TGFBR3: variants seen among roughly 807,000 people sequenced by gnomAD.
The protein encoded by TGFBR3 is transforming growth factor beta receptor 3.
A neutral mutation model predicts 87.9 loss-of-function variants in TGFBR3; 46 were observed. The ratio of observed to expected loss-of-function variants is 0.52; its 90% CI spans 0.41 to 0.67. The LOEUF is 0.67. Among genes scored for constraint, TGFBR3 ranks in the 30% least tolerant of loss-of-function variants. TGFBR3 has a pLI of 0.00. For missense variants in TGFBR3, 866 were observed against 1,041.9 expected (o/e 0.83, Z 2.32); for synonymous variants, 381 against 391.6 (o/e 0.97, Z 0.32).
At chr1:91,695,534 T>C in intron 16 of TGFBR3, 138 bp downstream of exon 16, 2 of 811,544 alleles carry the variant, frequency 2.5e-6, no homozygotes, top group Non-Finnish European at 4.2e-6. Context: ...ACCCAATTTA[T>C]ACCAAATATG....
intron 4 of TGFBR3, among the ~76,000 whole-genome samples, chr1:91,738,571 AT>A (rs1673043983): frequency 6.6e-6 from 1 of 152,190 alleles, no homozygotes; most frequent in Non-Finnish European, 1.5e-5. Context: ...CACCTGCTTC[AT>A]CTTCCTCCAT....
intron 3 of TGFBR3, among the ~76,000 whole-genome samples, chr1:91,795,071 GATGT>G (rs998455998): frequency 1.7e-4 from 26 of 152,278 alleles, no homozygotes; most frequent in African/African-American, 6.3e-4. Context: ...CCCTCATTCT[GATGT>G]TATCCTCTAT....
chr1:91,724,852 A>G (rs1672494671), intron 7 of TGFBR3, among the ~76,000 whole-genome samples: 1 of 152,200 alleles, frequency 6.6e-6, no homozygotes, highest in South Asian at 2.1e-4. Context: ...CCCCATATTT[A>G]CATCTGGACT....
At chr1:91,798,838 G>C (rs185915486) in intron 2 of TGFBR3, among the ~76,000 whole-genome samples, 2 of 152,324 alleles carry the variant, frequency 1.3e-5, no homozygotes, top group East Asian at 1.9e-4. Flanking sequence ...CCATTCCAGG[G>C]ACTTGGATTT....
chr1:91,772,296 A>C (rs1222997214), intron 3 of TGFBR3, among the ~76,000 whole-genome samples: 1 of 152,218 alleles, frequency 6.6e-6, no homozygotes, highest in African/African-American at 2.4e-5. Context: ...TACTTGCCCA[A>C]AAGAAAACAT....
chr1:91,902,701 T>G (rs1204486015), intron 1 of TGFBR3, among the ~76,000 whole-genome samples: 2 of 151,914 alleles, frequency 1.3e-5, no homozygotes, highest in Non-Finnish European at 2.9e-5. Flanking sequence ...CATTCCAGAC[T>G]TGGTCCCTGT....
chr1:91,839,423 C>T (rs949134893), intron 2 of TGFBR3, among the ~76,000 whole-genome samples: 1 of 152,120 alleles, frequency 6.6e-6, no homozygotes, highest in Non-Finnish European at 1.5e-5. Flanking sequence ...CATTAAAATC[C>T]TTTGCTTTCC....
At chr1:91,748,886 T>C (rs1452595257) in intron 4 of TGFBR3, among the ~76,000 whole-genome samples, 1 of 152,118 alleles carries the variant, frequency 6.6e-6, no homozygotes, top group Non-Finnish European at 1.5e-5. Context: ...CAAAAGCACC[T>C]ACTTCACAGG....
chr1:91,822,432 A>G (rs755138949), intron 2 of TGFBR3, among the ~76,000 whole-genome samples: 4 of 151,856 alleles, frequency 2.6e-5, no homozygotes, highest in Non-Finnish European at 5.9e-5. Flanking sequence ...GGGTAATAAT[A>G]TCTCAGCACA....
rs1312958469 is a variant in TGFBR3, at chr1:91,729,882, C to T, written c.660G>A (p.Gly220=). 2 of 1,614,166 alleles carry T rather than the reference C, an allele frequency of 1.2e-6. No individual in the cohort carries two copies. Among genetic ancestry groups the T allele is most frequent in the Admixed American group, 1.7e-5 (1 of 60,024 alleles). The change falls in exon 6 of 17, where the codon GGG becomes GGA. Residue 220 remains glycine (G), a synonymous_variant. Coordinates refer to ENST00000212355, the MANE Select transcript of TGFBR3 (RefSeq NM_003243.5). ...TCTGGGGCTGGCTGGACATCACACACCCTTCTGCTGCTTTGGGTTGAAGGT... is the reference window on the plus strand; with the variant it reads ...TCTGGGGCTGGCTGGACATCACACATCCTTCTGCTGCTTTGGGTTGAAGGT... ...AEYLQPKAAE[G]CVMSSQPQNE... is the part of the protein sequence containing the mutation.
At chr1:91,745,017 T>TACAC (rs34081815) in intron 4 of TGFBR3, among the ~76,000 whole-genome samples, 3 of 151,528 alleles carry the variant, frequency 2.0e-5, no homozygotes, top group African/African-American at 7.3e-5. Context: ...AACGCACGCG[T>TACAC]ACACACACAC....
intron 4 of TGFBR3, among the ~76,000 whole-genome samples, chr1:91,748,229 C>T (rs1260582960): frequency 6.6e-6 from 1 of 152,188 alleles, no homozygotes; most frequent in African/African-American, 2.4e-5. Context: ...GCAGGCCACA[C>T]CCATTTTGCA....
At chr1:91,746,916 AG>A (rs2100858993) in intron 4 of TGFBR3, among the ~76,000 whole-genome samples, 1 of 152,332 alleles carries the variant, frequency 6.6e-6, no homozygotes, top group South Asian at 2.1e-4. Flanking sequence ...GTCAGCTACC[AG>A]GCTCAGAAAT....
At chr1:91,805,843 TG>T (rs17881214) in intron 2 of TGFBR3, among the ~76,000 whole-genome samples, 3,990 of 152,290 alleles carry the variant, frequency 0.026, 182 homozygotes, top group African/African-American at 0.09. Flanking sequence ...GATGGGAAAC[TG>T]GAGCTCATGA....
chr1:91,697,963 G>T, intron 15 of TGFBR3, 126 bp downstream of exon 15: 1 of 865,792 alleles, frequency 1.2e-6, no homozygotes, highest in Admixed American at 1.8e-5. Flanking sequence ...AAAGGGGAAG[G>T]GGGAAGGGGG....
rs1676671972 is a variant in TGFBR3 at position 91,827,140 on chromosome 1, T to C, written c.62-29669A>G. Among the ~76,000 whole-genome samples the C allele has an allele frequency of 2.0e-5, 3 of 152,154 alleles. No individual in the cohort carries two copies. The South Asian group carries it at 6.2e-4, about 32-fold the overall frequency. On this transcript the variant is annotated intron_variant, in intron 2 of 16. Coordinates refer to ENST00000212355, the MANE Select transcript of TGFBR3 (RefSeq NM_003243.5). ...CAACATAGAAAATGTCCTGGACTTC[T>C]AGGGAAGGTAAGCTCCCGGGGTGGG...
In TGFBR3 at chr1:91,681,972, T is replaced by G. The variant is rs1670924455; in HGVS notation, c.*1767A>C. 3 of 453,540 alleles carry G rather than the reference T, an allele frequency of 6.6e-6. No homozygotes were observed. Among genetic ancestry groups the G allele is most frequent in the South Asian group, 4.7e-5 (3 of 64,238 alleles). The allele number at this position is 453,540 out of a possible 1,614,324, so 28.1% of individuals were successfully genotyped here. A position where few individuals can be genotyped will look rare whatever the true frequency, so the allele number is the denominator to read the frequency against. ...GTTTGTATATGGAAATCTAGAAATT[T>G]TTCAGTAGATCAATGTAGATAGCCT... On this transcript the variant is annotated 3_prime_UTR_variant, in exon 17 of 17. Transcript: ENST00000212355.
intron 3 of TGFBR3, among the ~76,000 whole-genome samples, chr1:91,769,351 T>C (rs72967145): frequency 1.9e-3 from 292 of 152,266 alleles, no homozygotes; most frequent in African/African-American, 6.9e-3. Flanking sequence ...GGTTTCCTCA[T>C]AGTCCTCTAA....
rs57731753 is a variant in TGFBR3 at position 91,898,525 on chromosome 1, CT to C, written c.-114+1111del. Among the ~76,000 whole-genome samples, 580 of 152,276 alleles carry C rather than the reference CT, an allele frequency of 3.8e-3. 4 individuals are homozygous for C. The highest frequency in any genetic ancestry group is 0.013 in the African/African-American group (554 of 41,544). ...GATCTCGGCTCACTGCAAGCTCCGC[CT>C]CCCGGGTTCACGCCATTCTCCTGCC... On this transcript the variant is annotated intron_variant, in intron 2 of 17. Transcript: ENST00000370399.
Sources: allele counts gnomAD v4.1 joint callset (sites outside exome capture counted in the v4.1 genomes callset), GRCh38; gene constraint gnomAD v4.1.1; transcripts MANE v1.5; gene names NCBI Gene and HGNC (gene_info 2026-07-23, HGNC 2026-07-21).